The following PTPRN2 variants were observed in gnomAD, a reference collection of about 807,000 sequenced individuals.
PTPRN2 encodes the protein protein tyrosine phosphatase receptor type N2, also known as receptor-type tyrosine-protein phosphatase N2.
PTPRN2 carries 74 observed loss-of-function variants against 118.8 expected under a neutral mutation model. The ratio of observed to expected loss-of-function variants is 0.62; its 90% CI spans 0.52 to 0.76. The LOEUF (loss-of-function observed/expected upper bound fraction) is 0.76. Among genes scored for constraint, PTPRN2 ranks in the 30% least tolerant of loss-of-function variants. The pLI, the probability that PTPRN2 is intolerant of heterozygous loss-of-function variation, is 0.00. For missense variants in PTPRN2, 1,481 were observed against 1,394.4 expected (o/e 1.06, Z -0.99); for synonymous variants, 641 against 608.0 (o/e 1.05, Z -0.80).
intron 1 of PTPRN2, among the ~76,000 whole-genome samples, chr7:158,556,090 T>A (rs954706883): frequency 1.3e-5 from 2 of 152,214 alleles, no homozygotes; most frequent in Admixed American, 1.3e-4. Flanking sequence ...AAATAGCTGA[T>A]AGACATTGTT....
intron 2 of PTPRN2, among the ~76,000 whole-genome samples, chr7:158,340,852 A>C (rs1447569033): frequency 2.6e-5 from 2 of 77,450 alleles, no homozygotes; most frequent in African/African-American, 5.3e-5. Flanking sequence ...AAGAGCTGAC[A>C]CATGCAGACG....
intron 11 of PTPRN2, among the ~76,000 whole-genome samples, chr7:158,059,327 C>T (rs1306801594): frequency 2.3e-5 from 3 of 130,564 alleles, no homozygotes; most frequent in Non-Finnish European, 4.7e-5. Flanking sequence ...CACACAGTGA[C>T]GCATCACTGC....
intron 11 of PTPRN2, among the ~76,000 whole-genome samples, chr7:157,904,990 C>T (rs1165272018): frequency 6.6e-6 from 1 of 152,180 alleles, no homozygotes; most frequent in Non-Finnish European, 1.5e-5. Flanking sequence ...TATTCCTGCA[C>T]CCTTGATGCT....
intron 9 of PTPRN2, among the ~76,000 whole-genome samples, chr7:158,123,388 C>T (rs779964394): frequency 6.6e-6 from 1 of 152,176 alleles, no homozygotes; most frequent in Non-Finnish European, 1.5e-5. Flanking sequence ...CGGTGACCGA[C>T]GCCATGGTGA....
In PTPRN2 at chr7:157,576,597, G is replaced by T. The variant is rs931488561; in HGVS notation, c.2783+16C>A. 6.3e-6 allele frequency: 10 copies of T among 1,597,680 alleles called. No individual in the cohort carries two copies. Among genetic ancestry groups the T allele is most frequent in the African/African-American group, 4.0e-5 (3 of 74,546 alleles). On this transcript the variant is annotated intron_variant, in intron 19 of 22. Transcript: ENST00000389418. ...GCTCAGCGCGCACTGCCCTGCCGGC[G>T]GGCCGCGCGTCATACCTGCGGAAGT... is the stretch of plus-strand genomic sequence containing the variant.
intron 3 of PTPRN2, among the ~76,000 whole-genome samples, chr7:158,214,167 G>A (rs569930837): frequency 2.0e-5 from 3 of 152,194 alleles, no homozygotes; most frequent in African/African-American, 7.2e-5. Flanking sequence ...ATATCTTGGA[G>A]AAAATATAAC....
At position 158,023,923 on chromosome 7, in the gene PTPRN2, C is replaced by T. The variant is rs545294658; in HGVS notation, c.1723+57375G>A. Among the ~76,000 whole-genome samples, 23 of 151,318 alleles carry T rather than the reference C, an allele frequency of 1.5e-4. No individual in the cohort carries two copies. The East Asian group carries it at 3.7e-3, about 24-fold the overall frequency. ...AAACACACAGGGCCTGGCACACACT[C>T]GCAGGCACACACATGCAGACACACA... On this transcript the variant is annotated intron_variant, in intron 11 of 22. Coordinates refer to ENST00000389418, the MANE Select transcript of PTPRN2 (RefSeq NM_002847.5).
intron 12 of PTPRN2, among the ~76,000 whole-genome samples, chr7:157,773,811 A>G (rs1803031193): frequency 6.6e-6 from 1 of 152,184 alleles, no homozygotes; most frequent in Non-Finnish European, 1.5e-5. Flanking sequence ...ACTCTTTGTG[A>G]TGATGGTAAC....
intron 3 of PTPRN2, among the ~76,000 whole-genome samples, chr7:158,240,329 G>A (rs1428195361): frequency 2.0e-5 from 3 of 152,210 alleles, no homozygotes; most frequent in African/African-American, 7.2e-5. Context: ...TGCAGAGGAA[G>A]ATAGGGAAGG....
Position 157,986,995 on chromosome 7 carries a change from G to T in PTPRN2, c.1724-88258C>A, listed in dbSNP as rs745905146. On this transcript the variant is annotated intron_variant, in intron 11 of 22. Coordinates refer to ENST00000389418, the MANE Select transcript of PTPRN2 (RefSeq NM_002847.5). This position sits in a 1 kb window ranked among gnomAD's most constrained non-coding sequence, Gnocchi z 4.5. ...ACGCTGGGGTTCACCTGTGTCCCAG[G>T]AGAACCCCGCTTTAGGATATAACGG... is the stretch of plus-strand genomic sequence containing the variant. Among the ~76,000 whole-genome samples, 3 of 152,116 alleles carry T rather than the reference G, an allele frequency of 2.0e-5. No homozygotes were observed. The highest frequency in any genetic ancestry group is 7.2e-5 in the African/African-American group (3 of 41,396).
At chr7:158,471,865 T>G (rs1453095849) in intron 2 of PTPRN2, among the ~76,000 whole-genome samples, 1 of 152,248 alleles carries the variant, frequency 6.6e-6, no homozygotes, top group Non-Finnish European at 1.5e-5. Flanking sequence ...CCTCTCAGGC[T>G]GGGTGCGTGT....
At chr7:157,849,122 G>A (rs1353299402) in intron 12 of PTPRN2, among the ~76,000 whole-genome samples, 1 of 152,192 alleles carries the variant, frequency 6.6e-6, no homozygotes, top group Non-Finnish European at 1.5e-5. Context: ...AGTTCCCACC[G>A]GCCGGGCTGA....
chr7:158,480,835 G>T (rs1394549751), intron 2 of PTPRN2, among the ~76,000 whole-genome samples: 1 of 152,236 alleles, frequency 6.6e-6, no homozygotes, highest in East Asian at 1.9e-4. Context: ...GGAAGCTGCA[G>T]AAGAAAACTC....
chr7:158,135,961 C>T (rs1287752890), intron 8 of PTPRN2, among the ~76,000 whole-genome samples: 1 of 152,186 alleles, frequency 6.6e-6, no homozygotes, highest in African/African-American at 2.4e-5. Flanking sequence ...ACCAAAGGTT[C>T]TTAAAGGGAG....
At chr7:157,711,600 C>T (rs1391858759) in intron 12 of PTPRN2, among the ~76,000 whole-genome samples, 1 of 152,282 alleles carries the variant, frequency 6.6e-6, no homozygotes, top group Non-Finnish European at 1.5e-5. Flanking sequence ...CACCTGACCC[C>T]GGCAGACCTC....
chr7:158,436,755 G>A (rs1816599882), intron 2 of PTPRN2, among the ~76,000 whole-genome samples: 1 of 152,154 alleles, frequency 6.6e-6, no homozygotes, highest in Non-Finnish European at 1.5e-5. Flanking sequence ...GGTCTCCATG[G>A]TTTCTGGTGA....
intron 3 of PTPRN2, among the ~76,000 whole-genome samples, chr7:158,231,854 C>T (rs898242254): frequency 6.6e-6 from 1 of 152,030 alleles, no homozygotes; most frequent in Non-Finnish European, 1.5e-5. Flanking sequence ...GGAATTAAAC[C>T]TCCTTCTAAA....
At chr7:157,957,435 G>C (rs1452200976) in intron 11 of PTPRN2, among the ~76,000 whole-genome samples, 5 of 152,236 alleles carry the variant, frequency 3.3e-5, no homozygotes, top group African/African-American at 1.2e-4. Context: ...TGCGATCAGA[G>C]CATTATGGCC....
At chr7:158,068,308 G>A (rs755010838) in intron 11 of PTPRN2, among the ~76,000 whole-genome samples, 15 of 152,224 alleles carry the variant, frequency 9.9e-5, no homozygotes, top group African/African-American at 2.2e-4. Flanking sequence ...TGGGGTGCCC[G>A]TGCTCATGGC....
Sources: allele counts gnomAD v4.1 joint callset (sites outside exome capture counted in the v4.1 genomes callset), GRCh38; gene constraint gnomAD v4.1.1; non-coding constraint Gnocchi (gnomAD v3.1); transcripts MANE v1.5; gene names NCBI Gene and HGNC (gene_info 2026-07-23, HGNC 2026-07-21).